ZCCHC4: variants seen among roughly 807,000 people sequenced by gnomAD.
ZCCHC4 encodes zinc finger CCHC-type containing 4.
Under a neutral mutation model 67.7 loss-of-function variants are expected in ZCCHC4, and 54 were observed. The observed-to-expected ratio is 0.80, with a 90% confidence interval of 0.64 to 1.00. The LOEUF (loss-of-function observed/expected upper bound fraction) is 1.00. ZCCHC4 is among the 50% of genes least tolerant of loss of function. The pLI is 0.00. For missense variants in ZCCHC4, 609 were observed against 617.0 expected, an observed-to-expected ratio of 0.99 and a Z score of 0.14; for synonymous variants, 198 against 213.5, an observed-to-expected ratio of 0.93 and a Z score of 0.63.
intron 8 of ZCCHC4, 30 bp downstream of exon 8, chr4:25,351,719 G>A (rs1235140955): frequency 6.5e-7 from 1 of 1,531,086 alleles, no homozygotes; most frequent in Non-Finnish European, 9.0e-7. Context: ...TTCTGGCATG[G>A]TTGGGGAATG....
intron 3 of ZCCHC4, 39 bp downstream of exon 3, chr4:25,315,439 G>A: frequency 6.6e-7 from 1 of 1,512,948 alleles, no homozygotes; most frequent in South Asian, 1.3e-5. Context: ...TAGTTTAGCT[G>A]TCATTTTTTT....
At chr4:25,326,746 A>T (rs867773859) in intron 3 of ZCCHC4, among the ~76,000 whole-genome samples, 3 of 152,094 alleles carry the variant, frequency 2.0e-5, no homozygotes, top group Middle Eastern at 3.2e-3. Context: ...TGGGATTTTG[A>T]TTGAGAGTGT....
At chr4:25,332,451 A>T (rs896089218) in intron 3 of ZCCHC4, among the ~76,000 whole-genome samples, 2 of 152,150 alleles carry the variant, frequency 1.3e-5, no homozygotes, top group Non-Finnish European at 2.9e-5. Context: ...TACTGATATC[A>T]TAGCTGGCAT....
chr4:25,355,603 G>C (rs1466753516), intron 8 of ZCCHC4, among the ~76,000 whole-genome samples: 1 of 152,160 alleles, frequency 6.6e-6, no homozygotes, highest in Non-Finnish European at 1.5e-5. Flanking sequence ...TTTTGTCAAA[G>C]CTATCCTTTT....
At chr4:25,328,908 C>T (rs560731364) in intron 3 of ZCCHC4, among the ~76,000 whole-genome samples, 142 of 152,310 alleles carry the variant, frequency 9.3e-4, no homozygotes, top group African/African-American at 3.3e-3. Flanking sequence ...ATCATTCTGG[C>T]CAGGTGCAGT....
chr4:25,365,098 TA>T lies in ZCCHC4; in HGVS notation c.1339del (p.Ile447PhefsTer36). 6.2e-7 allele frequency: 1 copy of T among 1,614,232 alleles called. No homozygotes were observed. Among genetic ancestry groups the T allele is most frequent in the Non-Finnish European group, 8.5e-7 (1 of 1,180,036 alleles). On this transcript the variant is annotated frameshift_variant, in exon 12 of 13. Coordinates refer to ENST00000302874, the MANE Select transcript of ZCCHC4 (RefSeq NM_024936.3). LOFTEE classifies it high-confidence loss of function. ...SCEGPKHGCF[I>X]CGELDHKRST... Reference sequence around the variant, plus strand: ...GTGAGGGCCCCAAACATGGCTGCTTTATTTGTGGTGAACTGGATCATAAACG... The same window carrying T: ...GTGAGGGCCCCAAACATGGCTGCTTTTTTGTGGTGAACTGGATCATAAACG...
In ZCCHC4 at chr4:25,352,225, T is replaced by G. The variant is rs974212458; in HGVS notation, c.1011+536T>G. On this transcript the variant is annotated intron_variant, in intron 8 of 12. Transcript: ENST00000302874. ...GGAGGAAGTTACTGGAGTGAGTAAC[T>G]TCACAGCAATGACTATGGAATTTTC... The G allele has an allele frequency of 2.6e-5, 26 of 985,506 alleles. No individual in the cohort carries two copies. In the South Asian group the frequency reaches 2.8e-4, roughly 11 times the overall value. 61.0% of individuals were successfully genotyped at this position (985,506 alleles called of 1,614,324 possible).
intron 6 of ZCCHC4, among the ~76,000 whole-genome samples, chr4:25,347,776 T>TA (rs988969101): frequency 5.3e-5 from 8 of 152,206 alleles, no homozygotes; most frequent in Admixed American, 4.6e-4. Flanking sequence ...TTGCAAATCA[T>TA]AGAGTCTTTA....
intron 12 of ZCCHC4, 162 bp downstream of exon 12, chr4:25,365,328 T>C (rs767747837): frequency 3.8e-5 from 53 of 1,412,316 alleles, no homozygotes; most frequent in Non-Finnish European, 4.8e-5. Flanking sequence ...GAGAGGAAGA[T>C]GATTCAAAGA....
intron 8 of ZCCHC4, among the ~76,000 whole-genome samples, chr4:25,356,556 C>CT (rs912082095): frequency 1.1e-4 from 16 of 150,602 alleles, no homozygotes; most frequent in South Asian, 2.1e-4. Context: ...AGAAATTGTT[C>CT]TTTTTTTTTC....
At chr4:25,360,904 G>A (rs1338909134) in intron 8 of ZCCHC4, among the ~76,000 whole-genome samples, 2 of 152,210 alleles carry the variant, frequency 1.3e-5, no homozygotes, top group African/African-American at 4.8e-5. Context: ...AACTGGGCAT[G>A]GGCAAAGTAG....
intron 3 of ZCCHC4, among the ~76,000 whole-genome samples, chr4:25,323,309 A>G (rs558408670): frequency 2.4e-4 from 37 of 152,140 alleles, no homozygotes; most frequent in Non-Finnish European, 5.3e-4. Context: ...TAAATGTTTC[A>G]TCCTTCCCCT....
chr4:25,313,063 A>C, intron 1 of ZCCHC4, 127 bp downstream of exon 1: 2 of 1,325,160 alleles, frequency 1.5e-6, no homozygotes, highest in Non-Finnish European at 2.0e-6. Flanking sequence ...CCTAGAAAAT[A>C]CTCCTTCCTC....
chr4:25,328,782 C>G (rs1343647401), intron 3 of ZCCHC4, among the ~76,000 whole-genome samples: 1 of 151,864 alleles, frequency 6.6e-6, no homozygotes, highest in East Asian at 2.0e-4. Flanking sequence ...AGGGTCTTGC[C>G]ATGTTTCCCA....
intron 8 of ZCCHC4, among the ~76,000 whole-genome samples, chr4:25,357,324 T>A (rs1279080123): frequency 6.6e-6 from 1 of 152,242 alleles, no homozygotes; most frequent in African/African-American, 2.4e-5. Context: ...TCCTGAAATG[T>A]AGTGACTGAA....
intron 12 of ZCCHC4, among the ~76,000 whole-genome samples, 157 bp from the exon 13 acceptor site, chr4:25,368,872 T>G (rs1185151426): frequency 1.3e-5 from 2 of 152,216 alleles, no homozygotes; most frequent in East Asian, 3.8e-4. Flanking sequence ...CTTCCCTTGT[T>G]GTTATGGTTA....
chr4:25,333,101 G>C, intron 3 of ZCCHC4, 82 bp from the exon 4 acceptor site: 1 of 1,393,154 alleles, frequency 7.2e-7, no homozygotes, highest in Non-Finnish European at 9.7e-7. Context: ...AATACTTTTT[G>C]GATGCTAAAA....
Position 25,345,623 on chromosome 4 carries a change from AAG to A in ZCCHC4, c.759+6_759+7del. Reference sequence around the variant, plus strand: ...ACCATCATTTCTTTGATGGAAAGGTAAGAGCTGTGACCATTATCTCATTGTTC... The same window carrying A: ...ACCATCATTTCTTTGATGGAAAGGTAAGCTGTGACCATTATCTCATTGTTC... On this transcript the variant is annotated splice_donor_5th_base_variant and intron_variant, in intron 6 of 12. Coordinates refer to ENST00000302874, the MANE Select transcript of ZCCHC4 (RefSeq NM_024936.3). 1 of 1,551,132 alleles carries A rather than the reference AAG, an allele frequency of 6.4e-7. No individual in the cohort carries two copies.
rs1364803094 is a variant in ZCCHC4, at chr4:25,365,064, A to G, written c.1304A>G (p.Asp435Gly). The change falls in exon 12 of 13, where the codon GAT becomes GGT. Residue 435 changes from aspartate (D) to glycine (G), a missense_variant. Physicochemically the swap from Asp to Gly is moderately conservative, Grantham distance 94. Transcript: ENST00000302874. ...CSICNHCAVP[D>G]HSCEGPKHGC... Reference sequence around the variant, plus strand: ...ATCTGCAATCACTGTGCTGTTCCAGATCATTCTTGTGAGGGCCCCAAACAT... The same window carrying G: ...ATCTGCAATCACTGTGCTGTTCCAGGTCATTCTTGTGAGGGCCCCAAACAT... 1.2e-6 allele frequency: 2 copies of G among 1,614,232 alleles called. No individual in the cohort carries two copies. Among genetic ancestry groups the G allele is most frequent in the Admixed American group, 1.7e-5 (1 of 60,024 alleles).
Sources: allele counts gnomAD v4.1 joint callset (sites outside exome capture counted in the v4.1 genomes callset), GRCh38; gene constraint gnomAD v4.1.1; transcripts MANE v1.5; gene names NCBI Gene and HGNC (gene_info 2026-07-23, HGNC 2026-07-21).